ASTN2: variants seen among roughly 807,000 people sequenced by gnomAD.
ASTN2 encodes astrotactin 2, also known as astrotactin-2.
ASTN2 carries 54 observed loss-of-function variants against 139.8 expected under a neutral mutation model. The ratio of observed to expected loss-of-function variants is 0.39; its 90% CI spans 0.31 to 0.48. The LOEUF is 0.48. Ranked by LOEUF, ASTN2 falls within the 20% of genes least tolerant of loss-of-function variation. The probability of loss-of-function intolerance (pLI) is 0.95; values close to 1 mark genes in which losing one functional copy is unlikely to be tolerated. For missense variants in ASTN2, 1,565 were observed against 1,725.1 expected, an observed-to-expected ratio of 0.91 and a Z score of 1.64; for synonymous variants, 756 against 719.5, an observed-to-expected ratio of 1.05 and a Z score of -0.81.
chr9:116,887,876 C>T (rs1342922140), intron 10 of ASTN2, among the ~76,000 whole-genome samples: 2 of 152,006 alleles, frequency 1.3e-5, no homozygotes, highest in Non-Finnish European at 2.9e-5. Context: ...CCATGTTGCC[C>T]AGGCTGGTCT....
chr9:117,249,307 A>G (rs1031198868), intron 2 of ASTN2, among the ~76,000 whole-genome samples: 5 of 152,214 alleles, frequency 3.3e-5, no homozygotes, highest in Non-Finnish European at 5.9e-5. Context: ...GAATGCTGGC[A>G]GCATCTCTCT....
intron 20 of ASTN2, among the ~76,000 whole-genome samples, chr9:116,444,300 G>A (rs151050356): frequency 2.0e-5 from 3 of 152,292 alleles, no homozygotes; most frequent in Admixed American, 6.5e-5. Flanking sequence ...AGCCACACTT[G>A]CTGAACCCCA....
intron 4 of ASTN2, among the ~76,000 whole-genome samples, chr9:117,125,298 A>G (rs1572155): frequency 0.23 from 35,667 of 152,104 alleles, 4,264 homozygotes; most frequent in South Asian, 0.28. Flanking sequence ...AAAAATATAC[A>G]CATACATATT....
At chr9:117,328,334 T>A (rs943967261) in intron 1 of ASTN2, among the ~76,000 whole-genome samples, 2 of 152,042 alleles carry the variant, frequency 1.3e-5, no homozygotes, top group African/African-American at 4.8e-5. Flanking sequence ...TCTCTCAGCC[T>A]AGGAGGATAG....
chr9:116,775,125 G>A (rs1278300639), intron 13 of ASTN2, among the ~76,000 whole-genome samples: 1 of 152,114 alleles, frequency 6.6e-6, no homozygotes, highest in Non-Finnish European at 1.5e-5. Context: ...GGTCGGAAAA[G>A]ACTATCTGTT....
chr9:117,233,734 T>C (rs1289706963), intron 2 of ASTN2, among the ~76,000 whole-genome samples: 1 of 152,112 alleles, frequency 6.6e-6, no homozygotes, highest in African/African-American at 2.4e-5. Flanking sequence ...GGCAGAGTGG[T>C]GATCACTGAA....
At chr9:116,700,502 G>T (rs772100034) in intron 16 of ASTN2, 7 of 167,144 alleles carry the variant, frequency 4.2e-5, no homozygotes, top group Non-Finnish European at 1.0e-4. Context: ...AGCAAATTTG[G>T]ATAGTCTCTA....
At chr9:116,911,592 G>C (rs1195358464) in intron 10 of ASTN2, among the ~76,000 whole-genome samples, 1 of 152,206 alleles carries the variant, frequency 6.6e-6, no homozygotes, top group African/African-American at 2.4e-5. Flanking sequence ...TCATGGTAAA[G>C]TAAGTTGTTA....
intron 3 of ASTN2, among the ~76,000 whole-genome samples, chr9:117,146,106 T>C (rs1830188074): frequency 6.6e-6 from 1 of 152,080 alleles, no homozygotes; most frequent in African/African-American, 2.4e-5. Flanking sequence ...GCCAATTTCA[T>C]CCTGCATACA....
At chr9:116,430,368 T>C (rs902714964) in intron 22 of ASTN2, among the ~76,000 whole-genome samples, 2 of 152,202 alleles carry the variant, frequency 1.3e-5, no homozygotes, top group East Asian at 1.9e-4. Context: ...GGCTCTAGAA[T>C]CTCAGATTTA....
At chr9:116,808,309 T>TG (rs1485605995) in intron 12 of ASTN2, among the ~76,000 whole-genome samples, 14 of 131,326 alleles carry the variant, frequency 1.1e-4, no homozygotes, top group Non-Finnish European at 1.1e-4. Context: ...GTGTGTGTGT[T>TG]TGTGTTTGTG....
intron 13 of ASTN2, among the ~76,000 whole-genome samples, chr9:116,751,448 A>G (rs1379355056): frequency 6.6e-6 from 1 of 152,182 alleles, no homozygotes; most frequent in African/African-American, 2.4e-5. Context: ...AAATAACAGT[A>G]CCAGTGTTGC....
intron 13 of ASTN2, among the ~76,000 whole-genome samples, chr9:116,798,233 T>G (rs1330084645): frequency 3.3e-5 from 5 of 152,222 alleles, no homozygotes; most frequent in Non-Finnish European, 7.3e-5. Context: ...ATCATGCCAC[T>G]GCACGCCAGC....
chr9:117,150,753 G>A (rs1279310305), intron 3 of ASTN2, among the ~76,000 whole-genome samples: 1 of 152,110 alleles, frequency 6.6e-6, no homozygotes, highest in Non-Finnish European at 1.5e-5. Flanking sequence ...GGAGTGCAGT[G>A]GTGCAGTCAT....
At chr9:117,174,750 G>A (rs1178349773) in intron 3 of ASTN2, among the ~76,000 whole-genome samples, 1 of 151,938 alleles carries the variant, frequency 6.6e-6, no homozygotes, top group Non-Finnish European at 1.5e-5. Context: ...TCCAATCACG[G>A]CTTGAAAAAT....
intron 11 of ASTN2, among the ~76,000 whole-genome samples, chr9:116,827,696 T>C (rs1382089032): frequency 1.3e-5 from 2 of 152,056 alleles, no homozygotes; most frequent in African/African-American, 4.8e-5. Flanking sequence ...GAAACAGAAC[T>C]CCTGAACCGA....
chr9:117,364,210 A>G (rs1829771888), intron 1 of ASTN2, among the ~76,000 whole-genome samples: 2 of 152,170 alleles, frequency 1.3e-5, no homozygotes, highest in Admixed American at 1.3e-4. Context: ...TCCCCCTCTG[A>G]TAACTTAGAA....
At chr9:117,072,328 C>T (rs767731612) in intron 5 of ASTN2, among the ~76,000 whole-genome samples, 6 of 152,180 alleles carry the variant, frequency 3.9e-5, no homozygotes, top group Admixed American at 6.5e-5. Flanking sequence ...TCTCTAGTCT[C>T]AGCTGGTTTG....
chr9:116,871,533 T>C (rs960634343), intron 10 of ASTN2, among the ~76,000 whole-genome samples: 1 of 152,220 alleles, frequency 6.6e-6, no homozygotes. Context: ...TTACTAACTC[T>C]GAACACTTCA....
Sources: allele counts gnomAD v4.1 joint callset (sites outside exome capture counted in the v4.1 genomes callset), GRCh38; gene constraint gnomAD v4.1.1; transcripts MANE v1.5; gene names NCBI Gene and HGNC (gene_info 2026-07-23, HGNC 2026-07-21).